CIB1: variants seen among roughly 807,000 people sequenced by gnomAD.
CIB1 encodes the protein calcium and integrin-binding protein 1.
CIB1 carries 19 observed loss-of-function variants against 25.0 expected under a neutral mutation model. The observed-to-expected ratio is 0.76, with a 90% CI of 0.53 to 1.12. The LOEUF (loss-of-function observed/expected upper bound fraction) is 1.12. CIB1 is among the 50% of genes most tolerant of loss of function. The pLI is 0.00. For missense variants in CIB1, 236 were observed against 242.6 expected (o/e 0.97, Z 0.18); for synonymous variants, 104 against 98.5 (o/e 1.06, Z -0.33).
chr15:90,250,646 T>C, the CIB1 span: 2 of 1,614,040 alleles, frequency 1.2e-6, no homozygotes, highest in Non-Finnish European at 8.5e-7. Flanking sequence ...GCCGAGTACC[T>C]GTAGGACCAT....
chr15:90,264,903 G>T, the CIB1 span: 1 of 1,536,030 alleles, frequency 6.5e-7, no homozygotes, highest in Non-Finnish European at 8.7e-7. Flanking sequence ...GTTCCCCTCT[G>T]CCCTGCGTCT....
chr15:90,242,121 C>A, the CIB1 span: 5 of 1,415,164 alleles, frequency 3.5e-6, no homozygotes, highest in Non-Finnish European at 4.8e-6. Context: ...TAGGGTCTCA[C>A]TCTGTCCCCA....
At chr15:90,238,190 C>T (rs1444422355), upstream of CIB1, among the ~76,000 whole-genome samples, 1 of 152,158 alleles carries the variant, frequency 6.6e-6, no homozygotes, top group Non-Finnish European at 1.5e-5. Flanking sequence ...GTCCCAGCTA[C>T]TCAGGAGGCT....
the CIB1 span, chr15:90,255,871 G>A: frequency 6.2e-7 from 1 of 1,614,196 alleles, no homozygotes; most frequent in African/African-American, 1.3e-5. Context: ...CCCGCACCTG[G>A]TGCCTCCCCG....
chr15:90,256,132 T>TATGTGCAGAGA, the CIB1 span: 1 of 1,613,500 alleles, frequency 6.2e-7, no homozygotes, highest in African/African-American at 1.3e-5. Flanking sequence ...AGGCCCTCTC[T>TATGTGCAGAGA]GCACATAGCT....
chr15:90,250,724 C>G, the CIB1 span: 1 of 1,614,132 alleles, frequency 6.2e-7, no homozygotes, highest in Admixed American at 1.7e-5. Context: ...AGTTACCAAC[C>G]CCTCTAACTC....
the CIB1 span, chr15:90,249,557 G>T: frequency 6.6e-6 from 1 of 152,304 alleles, no homozygotes; most frequent in African/African-American, 2.4e-5. Flanking sequence ...GGGCTTGCTA[G>T]AGGAAGCGCT....
chr15:90,255,825 T>C, the CIB1 span: 4 of 1,614,038 alleles, frequency 2.5e-6, no homozygotes, highest in African/African-American at 5.3e-5. Context: ...CTCAACCGCA[T>C]GTACAAACTC....
chr15:90,250,658 G>T, the CIB1 span: 8 of 1,613,982 alleles, frequency 5.0e-6, no homozygotes, highest in African/African-American at 1.3e-5. Flanking sequence ...TAGGACCATG[G>T]AATCAGAGGA....
chr15:90,241,607 G>T, the CIB1 span: 1 of 1,613,784 alleles, frequency 6.2e-7, no homozygotes, highest in Non-Finnish European at 8.5e-7. Context: ...TGGAGCAGGC[G>T]CCAAGCGAGC....
rs776033458 is a variant in CIB1 at position 90,233,706 on chromosome 15, G to A, written c.52-3C>T. ...TGCTTCGTCAGGAACGTCAAGTCCT[G>A]GAAGGCAAAGCCAGAGCGGGGATTA... On this transcript the variant is annotated splice_region_variant and splice_polypyrimidine_tract_variant and intron_variant, in intron 1 of 6. Transcript: ENST00000328649. 37 of 1,573,262 alleles carry A rather than the reference G, an allele frequency of 2.4e-5. No individual in the cohort carries two copies. The East Asian group carries it at 8.2e-4, about 35-fold the overall frequency.
At chr15:90,255,809 C>G in the CIB1 span, 43 of 1,614,046 alleles carry the variant, frequency 2.7e-5, no homozygotes, top group Non-Finnish European at 3.6e-5. Flanking sequence ...TCTGCTGGCT[C>G]GGAACCTCAA....
chr15:90,265,504 C>A, the CIB1 span: 1 of 1,402,984 alleles, frequency 7.1e-7, no homozygotes, highest in Non-Finnish European at 9.2e-7. Context: ...CTCATTTCGG[C>A]CCTCACGTTT....
At chr15:90,240,091 C>T in the CIB1 span, among the ~76,000 whole-genome samples, 2 of 149,574 alleles carry the variant, frequency 1.3e-5, no homozygotes, top group African/African-American at 5.1e-5. Flanking sequence ...GCTGTGGTGG[C>T]ACATTCCTAT....
the CIB1 span, chr15:90,241,916 T>C: frequency 6.2e-7 from 1 of 1,614,144 alleles, no homozygotes; most frequent in Non-Finnish European, 8.5e-7. Context: ...GTGAGCTGGC[T>C]GGGCACCTCC....
At chr15:90,245,542 G>C in the CIB1 span, 1 of 151,078 alleles carries the variant, frequency 6.6e-6, no homozygotes, top group Admixed American at 6.6e-5. Context: ...CATATTTTTG[G>C]TAAACTGCAG....
chr15:90,253,202 T>G, the CIB1 span: 2 of 1,514,734 alleles, frequency 1.3e-6, no homozygotes, highest in Non-Finnish European at 1.8e-6. Context: ...TTCCAGGGCT[T>G]GTTGCTGGTG....
upstream of CIB1, chr15:90,234,050 G>A (rs958371507): frequency 3.7e-6 from 3 of 802,542 alleles, no homozygotes; most frequent in East Asian, 9.5e-5. Flanking sequence ...TCCCAGCCGG[G>A]TTTGGCAGGC....
chr15:90,238,042 G>A (rs1000915361), upstream of CIB1, among the ~76,000 whole-genome samples: 1 of 152,220 alleles, frequency 6.6e-6, no homozygotes, highest in African/African-American at 2.4e-5. Flanking sequence ...GCTCACGCCT[G>A]TAATCCCAGC....
Sources: allele counts gnomAD v4.1 joint callset (sites outside exome capture counted in the v4.1 genomes callset), GRCh38; gene constraint gnomAD v4.1.1; transcripts MANE v1.5; gene names NCBI Gene and HGNC (gene_info 2026-07-23, HGNC 2026-07-21).